The following STAU1 variants were observed in gnomAD, a reference collection of about 807,000 sequenced individuals.
STAU1 encodes staufen double-stranded RNA binding protein 1, also known as double-stranded RNA-binding protein Staufen homolog 1.
Under a neutral mutation model 62.9 loss-of-function variants are expected in STAU1, and 13 were observed. That is an observed-to-expected ratio of 0.21 (90% confidence interval 0.13 to 0.33). The LOEUF (loss-of-function observed/expected upper bound fraction) is 0.33. Among genes scored for constraint, STAU1 ranks in the 10% least tolerant of loss-of-function variants. The pLI is 1.00. For missense variants in STAU1, 571 were observed against 712.1 expected, an observed-to-expected ratio of 0.80 and a Z score of 2.25; for synonymous variants, 269 against 265.1, an observed-to-expected ratio of 1.01 and a Z score of -0.14.
chr20:49,133,177 T>C (rs2092789632), intron 6 of STAU1, among the ~76,000 whole-genome samples: 1 of 152,190 alleles, frequency 6.6e-6, no homozygotes. Flanking sequence ...TCTGAAACCT[T>C]AACAAAAGTG....
At chr20:49,128,433 G>A (rs151260202) in intron 6 of STAU1, among the ~76,000 whole-genome samples, 1 of 152,192 alleles carries the variant, frequency 6.6e-6, no homozygotes, top group East Asian at 1.9e-4. Flanking sequence ...CTAGCACCCT[G>A]TCCTGTCTCT....
intron 1 of STAU1, among the ~76,000 whole-genome samples, chr20:49,183,440 G>T (rs1211217528): frequency 1.3e-5 from 2 of 152,186 alleles, no homozygotes; most frequent in Admixed American, 1.3e-4. Context: ...AAGATGACTT[G>T]AGCTCAGGAG....
chr20:49,153,777 G>GCA (rs2093307745), intron 4 of STAU1, among the ~76,000 whole-genome samples, 156 bp downstream of exon 4: 1 of 149,572 alleles, frequency 6.7e-6, no homozygotes, highest in African/African-American at 2.5e-5. Flanking sequence ...CGGGGGAGGG[G>GCA]CACAAAGGCA....
intron 5 of STAU1, among the ~76,000 whole-genome samples, chr20:49,136,942 C>T (rs1362994141): frequency 6.6e-6 from 1 of 152,152 alleles, no homozygotes; most frequent in Non-Finnish European, 1.5e-5. Flanking sequence ...ATGATCCACC[C>T]ACCTCGGCTC....
At chr20:49,175,223 T>C (rs2052602242) in intron 1 of STAU1, among the ~76,000 whole-genome samples, 1 of 151,604 alleles carries the variant, frequency 6.6e-6, no homozygotes, top group African/African-American at 2.4e-5. Context: ...CCCAGCTACT[T>C]GGGAGGCTGT....
chr20:49,173,592 T>C (rs984123189), intron 2 of STAU1, among the ~76,000 whole-genome samples: 14 of 151,016 alleles, frequency 9.3e-5, no homozygotes, highest in African/African-American at 3.5e-4. Context: ...TACTAATTAC[T>C]ACCTCAGAGA....
intron 5 of STAU1, among the ~76,000 whole-genome samples, chr20:49,150,294 T>C (rs1422489910): frequency 6.6e-6 from 1 of 152,218 alleles, no homozygotes; most frequent in Non-Finnish European, 1.5e-5. Flanking sequence ...ATTCTCCATA[T>C]TGTGAACGTA....
chr20:49,183,503 A>G (rs2093751524), intron 1 of STAU1, among the ~76,000 whole-genome samples: 1 of 152,238 alleles, frequency 6.6e-6, no homozygotes, highest in Non-Finnish European at 1.5e-5. Flanking sequence ...GAATCCCACA[A>G]AAAGATACCC....
intron 8 of STAU1, among the ~76,000 whole-genome samples, chr20:49,122,826 A>C (rs1050910429): frequency 6.6e-6 from 1 of 152,178 alleles, no homozygotes; most frequent in Non-Finnish European, 1.5e-5. Flanking sequence ...CTGAGGCAGG[A>C]GAATCGCTTC....
intron 5 of STAU1, among the ~76,000 whole-genome samples, chr20:49,148,970 G>A (rs1408716239): frequency 6.6e-6 from 1 of 152,088 alleles, no homozygotes; most frequent in Non-Finnish European, 1.5e-5. Flanking sequence ...CAACAACATG[G>A]CCAGGTATGG....
At chr20:49,133,868 G>A (rs1261877455) in intron 6 of STAU1, among the ~76,000 whole-genome samples, 1 of 152,194 alleles carries the variant, frequency 6.6e-6, no homozygotes, top group African/African-American at 2.4e-5. Flanking sequence ...ATGGCAGGCA[G>A]AGAGGCATCA....
intron 5 of STAU1, among the ~76,000 whole-genome samples, chr20:49,148,452 C>T (rs1026681532): frequency 6.6e-6 from 1 of 152,214 alleles, no homozygotes; most frequent in African/African-American, 2.4e-5. Context: ...TCAAAAAAAG[C>T]TCTGAAATCC....
the STAU1 span, among the ~76,000 whole-genome samples, chr20:49,196,742 A>G: frequency 6.6e-6 from 1 of 151,306 alleles, no homozygotes; most frequent in Non-Finnish European, 1.5e-5. Context: ...ACAGTACCCC[A>G]GCCTGGGTGA....
Position 49,118,325 on chromosome 20 carries a change from A to G in STAU1, c.1189+8T>C. The G allele has an allele frequency of 6.2e-7, 1 of 1,610,394 alleles. No homozygotes were observed. Among genetic ancestry groups the G allele is most frequent in the Non-Finnish European group, 8.5e-7 (1 of 1,177,966 alleles). The stretch of plus-strand genomic sequence containing the variant: ...TTCAGAGGAAGACGATATTAAGATC[A>G]CACTTACTAGTCCCATTTTCATCCC... On this transcript the variant is annotated splice_region_variant and intron_variant, in intron 10 of 13. Transcript: ENST00000371856.
intron 8 of STAU1, among the ~76,000 whole-genome samples, chr20:49,120,890 G>A (rs1221465426): frequency 6.6e-6 from 1 of 152,038 alleles, no homozygotes; most frequent in Non-Finnish European, 1.5e-5. Context: ...CACTTCCCAG[G>A]TTCAAGCGAT....
intron 5 of STAU1, among the ~76,000 whole-genome samples, chr20:49,150,753 G>A (rs527699620): frequency 1.2e-3 from 182 of 152,134 alleles, no homozygotes; most frequent in Non-Finnish European, 2.2e-3. Flanking sequence ...TGGCAGACAC[G>A]ATGCTGTGAT....
At chr20:49,212,583 G>A in the STAU1 span, among the ~76,000 whole-genome samples, 2 of 140,970 alleles carry the variant, frequency 1.4e-5, no homozygotes, top group African/African-American at 5.3e-5. Context: ...TATATTTTCT[G>A]GATATTCCCC....
chr20:49,113,351 T>C lies in STAU1; in HGVS notation c.*1527A>G, dbSNP rs991286232. On this transcript the variant is annotated 3_prime_UTR_variant, in exon 14 of 14. Transcript: ENST00000371856. ...CAGGACCAAACACTTCATTAGTAGC[T>C]GTTTATTGATCAATGGTTTGATATA... 2.0e-5 allele frequency: 3 copies of C among 152,776 alleles called. No individual in the cohort carries two copies. Among genetic ancestry groups the C allele is most frequent in the African/African-American group, 7.2e-5 (3 of 41,580 alleles). 9.5% of individuals were successfully genotyped at this position (152,776 alleles called of 1,614,324 possible).
chr20:49,116,374 G>A (rs1285941195), intron 12 of STAU1, among the ~76,000 whole-genome samples: 1 of 152,086 alleles, frequency 6.6e-6, no homozygotes, highest in East Asian at 1.9e-4. Context: ...TCACCCAGCT[G>A]CCCAGGCTGG....
Sources: allele counts gnomAD v4.1 joint callset (sites outside exome capture counted in the v4.1 genomes callset), GRCh38; gene constraint gnomAD v4.1.1; transcripts MANE v1.5; gene names NCBI Gene and HGNC (gene_info 2026-07-23, HGNC 2026-07-21).